FKBP7: variants seen among roughly 807,000 people sequenced by gnomAD.
The protein encoded by FKBP7 is FKBP prolyl isomerase 7.
A neutral mutation model predicts 24.3 loss-of-function variants in FKBP7; 24 were observed. That is an observed-to-expected ratio of 0.99 (90% confidence interval 0.72 to 1.39). FKBP7 has a LOEUF of 1.39. Ranked by LOEUF, FKBP7 falls within the 40% of genes most tolerant of loss-of-function variation. The pLI is 0.00. For synonymous variants in FKBP7, 98 were observed against 92.8 expected (o/e 1.06, Z -0.32); for missense variants, 257 against 269.5 (o/e 0.95, Z 0.33).
chr2:178,470,158 C>A (rs1320172467), intron 2 of FKBP7, among the ~76,000 whole-genome samples: 1 of 152,072 alleles, frequency 6.6e-6, no homozygotes, highest in Non-Finnish European at 1.5e-5. Context: ...TGGATTCAAC[C>A]AGTCTCGGCT....
Position 178,472,454 on chromosome 2 carries a change from A to G in FKBP7, c.374-2669T>C, listed in dbSNP as rs115010310. On this transcript the variant is annotated intron_variant, in intron 2 of 3. Transcript: ENST00000424785. ...CAATTTTGCTATAAACATAGAAAAT[A>G]TTGGCCGGGCGCAGTGGCTTATACC... is the stretch of plus-strand genomic sequence containing the variant. 6.8e-3 allele frequency among the ~76,000 whole-genome samples: 1,041 copies of G among 152,002 alleles called. 16 individuals are homozygous for G. Among genetic ancestry groups the G allele is most frequent in the African/African-American group, 0.024 (999 of 41,466 alleles).
Position 178,472,192 on chromosome 2 carries a change from A to AGCCT in FKBP7, c.374-2411_374-2408dup, listed in dbSNP as rs1254637771. ...CGAGTTCAAGTGATTCTTGTGTTTC[A>AGCCT]GCCTCCCAAGTAGCTGGGATTACAG... On this transcript the variant is annotated intron_variant, in intron 2 of 3. Coordinates refer to ENST00000424785, the MANE Select transcript of FKBP7 (RefSeq NM_181342.3). Among the ~76,000 whole-genome samples the AGCCT allele has an allele frequency of 2.0e-4, 29 of 147,396 alleles. No individual in the cohort carries two copies. In the East Asian group the frequency reaches 5.3e-3, roughly 27 times the overall value.
intron 2 of FKBP7, 122 bp from the exon 3 acceptor site, chr2:178,469,907 C>A: frequency 5.6e-6 from 4 of 709,492 alleles, no homozygotes; most frequent in Admixed American, 4.0e-5. Flanking sequence ...TGAATACTCA[C>A]AATTTTTAAT....
intron 2 of FKBP7, chr2:178,472,970 C>G: frequency 1.6e-6 from 1 of 606,204 alleles, no homozygotes; most frequent in South Asian, 1.8e-5. Context: ...TACGGAATTA[C>G]TTATATTTAG....
intron 3 of FKBP7, among the ~76,000 whole-genome samples, chr2:178,467,228 C>G (rs1684692530): frequency 6.6e-6 from 1 of 152,164 alleles, no homozygotes; most frequent in Admixed American, 6.5e-5. Context: ...TGGGTAAGAA[C>G]ATGACCTTAA....
At position 178,478,370 on chromosome 2, in the gene FKBP7, C is replaced by A; in HGVS notation, c.130G>T (p.Glu44Ter). ...TTCTTGCTTGTCTTAGAGCAGTTTT[C>A]TGGACGATGCAAAACTTCTATTTTC... ...EVKIEVLHRP[E>*]NCSKTSKKGD... Residue 44 changes from glutamate to a stop codon, truncating the protein, a stop_gained, in exon 1 of 4, where the codon GAA (glutamate) becomes TAA (stop). Coordinates refer to ENST00000424785, the MANE Select transcript of FKBP7 (RefSeq NM_181342.3). LOFTEE classifies it high-confidence loss of function. 1.9e-6 allele frequency: 3 copies of A among 1,614,216 alleles called. No individual in the cohort carries two copies. Among genetic ancestry groups the A allele is most frequent in the Non-Finnish European group, 2.5e-6 (3 of 1,180,044 alleles).
intron 2 of FKBP7, among the ~76,000 whole-genome samples, chr2:178,474,086 A>C (rs1024376219): frequency 2.0e-5 from 3 of 152,224 alleles, no homozygotes; most frequent in East Asian, 3.8e-4. Flanking sequence ...AGAACTCTTA[A>C]TGACTAAGAC....
At position 178,478,424 on chromosome 2, in the gene FKBP7, G is replaced by C. The variant is rs1685076167; in HGVS notation, c.76C>G (p.Gln26Glu). The C allele has an allele frequency of 6.2e-7, 1 of 1,613,694 alleles. No homozygotes were observed. The highest frequency in any genetic ancestry group is 2.2e-5 in the East Asian group (1 of 44,882). ...YLWGLFTAQR[Q>E]KKEESTEEVK... ...TCTTCGGTGCTCTCCTCTTTCTTTT[G>C]TCTCTGAGCAGTAAAAAGGCCCCAC... The change falls in exon 1 of 4, where the codon CAA (glutamine) becomes GAA (glutamate). Residue 26 changes from glutamine to glutamate, a missense_variant. Gln to Glu is a conservative substitution (Grantham distance 29). Coordinates refer to ENST00000424785, the MANE Select transcript of FKBP7 (RefSeq NM_181342.3).
intron 2 of FKBP7, 46 bp from the exon 3 acceptor site, chr2:178,469,831 TC>T: frequency 2.0e-6 from 3 of 1,515,034 alleles, no homozygotes; most frequent in Non-Finnish European, 2.7e-6. Flanking sequence ...AAGATATAGT[TC>T]AAATATCTAT....
chr2:178,478,434 A>C lies in FKBP7; in HGVS notation c.66T>G (p.Thr22=), dbSNP rs758147503. Residue 22 remains threonine (T), a synonymous_variant, in exon 1 of 4, where the codon ACT becomes ACG. Transcript: ENST00000424785. ...IVFFYLWGLF[T]AQRQKKEEST... Reference sequence around the variant, plus strand: ...TCTCCTCTTTCTTTTGTCTCTGAGCAGTAAAAAGGCCCCACAGATAAAAGA... The same window carrying C: ...TCTCCTCTTTCTTTTGTCTCTGAGCCGTAAAAAGGCCCCACAGATAAAAGA... 19 of 1,614,098 alleles carry C rather than the reference A, an allele frequency of 1.2e-5. No individual in the cohort carries two copies. The highest frequency in any genetic ancestry group is 1.5e-5 in the Non-Finnish European group (18 of 1,180,044).
chr2:178,478,583 G>A lies in FKBP7; in HGVS notation c.-84C>T. On this transcript the variant is annotated 5_prime_UTR_variant, in exon 1 of 4. Transcript: ENST00000424785. Reference sequence around the variant, plus strand: ...CGCGGCCGAGTTCCGACGCGTGGCAGGCGTTGTCCTGCGTCACAAAGGGCC... The same window carrying A: ...CGCGGCCGAGTTCCGACGCGTGGCAAGCGTTGTCCTGCGTCACAAAGGGCC... 10 of 1,572,010 alleles carry A rather than the reference G, an allele frequency of 6.4e-6. No homozygotes were observed. The highest frequency in any genetic ancestry group is 8.6e-6 in the Non-Finnish European group (10 of 1,164,424).
At chr2:178,469,991 T>C (rs1202208799) in intron 2 of FKBP7, among the ~76,000 whole-genome samples, 24 of 152,044 alleles carry the variant, frequency 1.6e-4, no homozygotes, top group Non-Finnish European at 4.4e-5. Context: ...CTTTTTTTTA[T>C]AAATACTTTT....
chr2:178,465,788 G>C lies in FKBP7; in HGVS notation c.651C>G (p.Tyr217Ter). 6.9e-6 allele frequency: 11 copies of C among 1,600,648 alleles called. No homozygotes were observed. The highest frequency in any genetic ancestry group is 9.4e-6 in the Non-Finnish European group (11 of 1,175,166). Reference protein sequence around the residue: ...GFISPKEYNVYQHDEL With the variant: ...GFISPKEYNV ...AAATATGCTATAGTTCATCGTGTTGGTATACATTGTATTCCTTGGGAGAAA... is the reference window on the plus strand; with the variant it reads ...AAATATGCTATAGTTCATCGTGTTGCTATACATTGTATTCCTTGGGAGAAA... Residue 217 changes from tyrosine to a stop codon, truncating the protein, a stop_gained, in exon 4 of 4, where the codon TAC becomes TAG. Transcript: ENST00000424785. LOFTEE classifies it high-confidence loss of function.
chr2:178,468,873 T>TC (rs1433068445), intron 3 of FKBP7, among the ~76,000 whole-genome samples: 1 of 151,762 alleles, frequency 6.6e-6, no homozygotes, highest in Non-Finnish European at 1.5e-5. Flanking sequence ...TATTATCTTT[T>TC]TTTTTTTTTT....
intron 2 of FKBP7, among the ~76,000 whole-genome samples, chr2:178,474,700 T>C (rs903978432): frequency 6.6e-6 from 1 of 152,206 alleles, no homozygotes; most frequent in South Asian, 2.1e-4. Context: ...GTCCACTTTT[T>C]TTTTTGAGCC....
In FKBP7 at chr2:178,464,985, A is replaced by G. The variant is rs565436204; in HGVS notation, c.*785T>C. 6.6e-6 allele frequency: 1 copy of G among 152,372 alleles called. No homozygotes were observed. The highest frequency in any genetic ancestry group is 1.9e-4 in the East Asian group (1 of 5,186). 9.4% of individuals were successfully genotyped at this position (152,372 alleles called of 1,614,324 possible). ...CTAAGAAATTTCATGGCATCAATTT[A>G]AAACTATCAAGACAAAAGCTTGGGG... On this transcript the variant is annotated 3_prime_UTR_variant, in exon 4 of 4. Coordinates refer to ENST00000424785, the MANE Select transcript of FKBP7 (RefSeq NM_181342.3).
chr2:178,475,615 C>A (rs1684979019), intron 2 of FKBP7, among the ~76,000 whole-genome samples: 1 of 152,096 alleles, frequency 6.6e-6, no homozygotes, highest in Non-Finnish European at 1.5e-5. Context: ...CATGCTTTTG[C>A]CAAGTTGTTT....
At chr2:178,476,714 A>ATTTTT (rs35360731) in intron 2 of FKBP7, among the ~76,000 whole-genome samples, 105 of 122,522 alleles carry the variant, frequency 8.6e-4, no homozygotes, top group Non-Finnish European at 1.1e-3. Flanking sequence ...ATTCCATTTC[A>ATTTTT]TTTTTTTTTT....
intron 2 of FKBP7, among the ~76,000 whole-genome samples, chr2:178,470,068 CTTGA>C (rs1261339315): frequency 1.3e-5 from 2 of 151,042 alleles, no homozygotes; most frequent in Non-Finnish European, 2.9e-5. Context: ...ACCACTATTT[CTTGA>C]TTAATTTAAG....
Sources: gnomAD v4.1 joint callset for allele counts (sites outside exome capture counted in the v4.1 genomes callset) on GRCh38, gnomAD v4.1.1 for gene constraint, MANE v1.5 for transcripts, NCBI Gene and HGNC (gene_info 2026-07-23, HGNC 2026-07-21) for gene names.